TTLL9: variants seen among roughly 807,000 people sequenced by gnomAD.
TTLL9 encodes the protein tubulin tyrosine ligase like 9, also known as probable tubulin polyglutamylase TTLL9.
In TTLL9, 47 loss-of-function variants were observed where a neutral mutation model predicts 65.6. The observed-to-expected ratio is 0.72, with a 90% CI of 0.57 to 0.91. The LOEUF (loss-of-function observed/expected upper bound fraction) is 0.91. TTLL9 is among the 40% of genes least tolerant of loss of function. The probability of loss-of-function intolerance (pLI) is 0.00; values close to 1 mark genes in which losing one functional copy is unlikely to be tolerated. For synonymous variants in TTLL9, 179 were observed against 204.8 expected, an observed-to-expected ratio of 0.87 and a Z score of 1.07; for missense variants, 537 against 568.8, an observed-to-expected ratio of 0.94 and a Z score of 0.57.
rs946296861 is a variant in TTLL9, at chr20:31,873,674, A to AAGAGAGAG, written c.69+2485_69+2492dup. Among the ~76,000 whole-genome samples the AAGAGAGAG allele has an allele frequency of 3.8e-3, 441 of 116,478 alleles. 6 individuals carry two copies. The highest frequency in any genetic ancestry group is 0.016 in the African/African-American group (421 of 26,636). The allele number at this position is 116,478 out of a possible 152,430, so 76.4% of individuals were successfully genotyped here. ...AAAAAAAAGACAAAAGAAAGAAAGA[A>AAGAGAGAG]AGAGAGAGAGAGAAAGAAAGAAAGA... On this transcript the variant is annotated intron_variant, in intron 2 of 14. Transcript: ENST00000535842.
chr20:31,930,678 A>G (rs2063993415), intron 10 of TTLL9, among the ~76,000 whole-genome samples: 1 of 152,018 alleles, frequency 6.6e-6, no homozygotes, highest in Non-Finnish European at 1.5e-5. Context: ...ATGCTTGTCC[A>G]TTGGTTTACT....
intron 10 of TTLL9, among the ~76,000 whole-genome samples, chr20:31,928,833 G>A (rs774145772): frequency 4.6e-5 from 7 of 152,190 alleles, no homozygotes; most frequent in East Asian, 1.9e-4. Flanking sequence ...GAATGTTTAT[G>A]TTTAAGAAAA....
intron 10 of TTLL9, among the ~76,000 whole-genome samples, chr20:31,930,859 C>T (rs969455201): frequency 1.3e-5 from 2 of 152,178 alleles, no homozygotes; most frequent in Admixed American, 6.5e-5. Flanking sequence ...TTAGGTTCCT[C>T]TCTAGAGACG....
intron 4 of TTLL9, among the ~76,000 whole-genome samples, chr20:31,898,971 T>C (rs1044312034): frequency 3.3e-5 from 5 of 152,230 alleles, no homozygotes; most frequent in Non-Finnish European, 5.9e-5. Context: ...TTGCTAGTTC[T>C]GTGACTTTGG....
chr20:31,870,958 T>C lies in TTLL9; in HGVS notation c.-6+9T>C, dbSNP rs2062917039. On this transcript the variant is annotated intron_variant, in intron 1 of 14. Transcript: ENST00000535842. The surrounding 1 kb of genome is among the most constrained non-coding windows in gnomAD (Gnocchi z 6.6). ...TGCTTGGAACGGGATAAGTGGGTAA[T>C]TCCTTCCGATACATCCTCTCCACCC... 8 of 700,160 alleles carry C rather than the reference T, an allele frequency of 1.1e-5. No homozygotes were observed. The Admixed American group carries it at 1.6e-4, about 14-fold the overall frequency. 43.4% of individuals were successfully genotyped at this position (700,160 alleles called of 1,614,324 possible). A position where few individuals can be genotyped will look rare whatever the true frequency, so the allele number is the denominator to read the frequency against.
intron 4 of TTLL9, among the ~76,000 whole-genome samples, chr20:31,906,179 G>C (rs1265908256): frequency 6.6e-6 from 1 of 152,136 alleles, no homozygotes; most frequent in Non-Finnish European, 1.5e-5. Context: ...CATTGCATTA[G>C]GCGCGGGGCT....
At chr20:31,877,460 A>AT (rs1330886457) in intron 2 of TTLL9, among the ~76,000 whole-genome samples, 3 of 152,206 alleles carry the variant, frequency 2.0e-5, no homozygotes, top group Non-Finnish European at 2.9e-5. Context: ...AGGTAGTCAG[A>AT]TTTAAACTGA....
intron 10 of TTLL9, among the ~76,000 whole-genome samples, chr20:31,930,053 G>T (rs202168614): frequency 6.6e-6 from 1 of 152,090 alleles, no homozygotes; most frequent in Admixed American, 6.5e-5. Flanking sequence ...ACTTGAACCC[G>T]GGAGGTGGAG....
At chr20:31,890,022 C>CT (rs2063270482) in intron 3 of TTLL9, among the ~76,000 whole-genome samples, 1 of 144,932 alleles carries the variant, frequency 6.9e-6, no homozygotes, top group Admixed American at 6.9e-5. Context: ...TTCTTTCTTT[C>CT]TTTCTTTCTT....
At chr20:31,890,198 T>C (rs963731655) in intron 3 of TTLL9, among the ~76,000 whole-genome samples, 1 of 144,368 alleles carries the variant, frequency 6.9e-6, no homozygotes, top group Non-Finnish European at 1.5e-5. Context: ...TCTTTCTTTC[T>C]TTCTCTTTCT....
intron 3 of TTLL9, among the ~76,000 whole-genome samples, chr20:31,892,428 C>A (rs554498413): frequency 3.7e-4 from 57 of 152,272 alleles, no homozygotes; most frequent in African/African-American, 1.3e-3. Context: ...CTTCGGCCTC[C>A]CAAAGCTCTG....
intron 7 of TTLL9, among the ~76,000 whole-genome samples, chr20:31,922,355 T>C (rs2063826893): frequency 6.6e-6 from 1 of 152,138 alleles, no homozygotes; most frequent in Non-Finnish European, 1.5e-5. Flanking sequence ...ACTAAGTGCA[T>C]TCACATTGTT....
At chr20:31,934,138 C>T (rs373414481) in intron 11 of TTLL9, among the ~76,000 whole-genome samples, 22 of 152,362 alleles carry the variant, frequency 1.4e-4, no homozygotes, top group East Asian at 1.2e-3. Context: ...TATTGGTCAA[C>T]GGATTAATCG....
At chr20:31,912,937 C>T (rs555567483) in intron 6 of TTLL9, among the ~76,000 whole-genome samples, 23 of 152,082 alleles carry the variant, frequency 1.5e-4, no homozygotes, top group Admixed American at 1.1e-3. Flanking sequence ...GTGGGAGGAT[C>T]GCTTGATCCC....
intron 3 of TTLL9, among the ~76,000 whole-genome samples, chr20:31,897,717 G>A (rs1351948005): frequency 6.6e-6 from 1 of 152,026 alleles, no homozygotes; most frequent in African/African-American, 2.4e-5. Flanking sequence ...CACCGAGCGG[G>A]GGTGTTGGGT....
At chr20:31,880,642 G>A (rs1170772279) in intron 2 of TTLL9, among the ~76,000 whole-genome samples, 1 of 151,730 alleles carries the variant, frequency 6.6e-6, no homozygotes, top group South Asian at 2.1e-4. Context: ...ACAGGCGCTC[G>A]CCACCACGCC....
intron 2 of TTLL9, among the ~76,000 whole-genome samples, chr20:31,881,029 G>C (rs1234403078): frequency 6.6e-6 from 1 of 151,660 alleles, no homozygotes; most frequent in African/African-American, 2.4e-5. Flanking sequence ...TTTTTAGTTT[G>C]TGTAGAGACA....
intron 3 of TTLL9, among the ~76,000 whole-genome samples, chr20:31,889,863 A>G (rs2063259596): frequency 6.6e-6 from 1 of 151,460 alleles, no homozygotes. Flanking sequence ...AGCCTTCATG[A>G]TTGTCTTGAC....
In TTLL9 at chr20:31,939,286, G is replaced by A. The variant is rs371993752; in HGVS notation, c.1243+20G>A. On this transcript the variant is annotated intron_variant, in intron 14 of 14. Transcript: ENST00000535842. ...ATCTCGGTATGTAGGGCCAGGTGGG[G>A]AGTGGGCACAAGGGATGGGGTCATG... The A allele has an allele frequency of 1.2e-6, 2 of 1,612,964 alleles. No individual in the cohort carries two copies. Among genetic ancestry groups the A allele is most frequent in the Non-Finnish European group, 1.7e-6 (2 of 1,179,670 alleles).
Sources: allele counts gnomAD v4.1 joint callset (sites outside exome capture counted in the v4.1 genomes callset), GRCh38; gene constraint gnomAD v4.1.1; non-coding constraint Gnocchi (gnomAD v3.1); transcripts MANE v1.5; gene names NCBI Gene and HGNC (gene_info 2026-07-23, HGNC 2026-07-21).